Variants in FYB1 observed in about 807,000 individuals in gnomAD.
The protein encoded by FYB1 is FYN binding protein 1.
In FYB1, 41 loss-of-function variants were observed where a neutral mutation model predicts 94.1. The observed-to-expected ratio is 0.44, with a 90% CI of 0.34 to 0.57. The LOEUF (loss-of-function observed/expected upper bound fraction) is 0.57. Ranked by LOEUF, FYB1 falls within the 20% of genes least tolerant of loss-of-function variation. The pLI is 0.02. For synonymous variants in FYB1, 367 were observed against 353.2 expected (o/e 1.04, Z -0.44); for missense variants, 1,050 against 976.8 (o/e 1.07, Z -1.00).
At chr5:39,186,289 T>TG (rs1746783314) in intron 2 of FYB1, among the ~76,000 whole-genome samples, 1 of 152,142 alleles carries the variant, frequency 6.6e-6, no homozygotes, top group Non-Finnish European at 1.5e-5. Flanking sequence ...CTGGGCGTGG[T>TG]GGCACATGCC....
At chr5:39,164,720 TACA>T (rs1363922426) in intron 2 of FYB1, among the ~76,000 whole-genome samples, 2 of 152,172 alleles carry the variant, frequency 1.3e-5, no homozygotes, top group African/African-American at 4.8e-5. Context: ...TGGCCTGTGC[TACA>T]TTAATTTATG....
intron 1 of FYB1, among the ~76,000 whole-genome samples, chr5:39,262,303 G>GA (rs144289822): frequency 4.0e-5 from 6 of 149,642 alleles, no homozygotes; most frequent in South Asian, 2.1e-4. Flanking sequence ...AAATCAACAC[G>GA]AAAAAAAAAT....
chr5:39,120,564 G>A (rs930030358), intron 14 of FYB1, among the ~76,000 whole-genome samples: 1 of 152,032 alleles, frequency 6.6e-6, no homozygotes, highest in East Asian at 1.9e-4. Flanking sequence ...CAAGGTCCAG[G>A]TAGTGCTAGA....
intron 1 of FYB1, among the ~76,000 whole-genome samples, chr5:39,263,180 C>T (rs1752296980): frequency 6.6e-6 from 1 of 152,024 alleles, no homozygotes; most frequent in East Asian, 1.9e-4. Flanking sequence ...TTGAAGTTGC[C>T]GAATCAAGAA....
intron 1 of FYB1, among the ~76,000 whole-genome samples, chr5:39,247,703 A>G (rs893123697): frequency 1.3e-5 from 2 of 151,908 alleles, no homozygotes; most frequent in African/African-American, 4.8e-5. Flanking sequence ...CCATTTTTGA[A>G]TATATTACAT....
At chr5:39,153,627 C>T (rs868275891) in intron 2 of FYB1, 23 bp from the exon 3 acceptor site, 1 of 1,579,522 alleles carries the variant, frequency 6.3e-7, no homozygotes, top group East Asian at 2.3e-5. Context: ...GCAAACAATA[C>T]CATGAATTAA....
chr5:39,239,909 T>C (rs1044708812), intron 1 of FYB1, among the ~76,000 whole-genome samples: 2 of 152,176 alleles, frequency 1.3e-5, no homozygotes, highest in Non-Finnish European at 2.9e-5. Flanking sequence ...AATTTCAAAC[T>C]ATACTATAAG....
Position 39,233,491 on chromosome 5 carries a change from G to A in FYB1, c.-27-30504C>T, listed in dbSNP as rs114662214. Among the ~76,000 whole-genome samples, 1,269 of 152,264 alleles carry A rather than the reference G, an allele frequency of 8.3e-3. 8 individuals carry two copies. Among genetic ancestry groups the A allele is most frequent in the Non-Finnish European group, 0.014 (939 of 68,016 alleles). The stretch of plus-strand genomic sequence containing the variant: ...ATTGAATGCTTAAAAATGATCGGCA[G>A]ACTCCAAAATGCTTTTGTTAACGTT... On this transcript the variant is annotated intron_variant, in intron 1 of 1. Coordinates refer to the FYB1 transcript ENST00000510188.
In FYB1 at chr5:39,108,272, T is replaced by TAA; in HGVS notation, c.2436-12_2436-11dup. 6.6e-7 allele frequency: 1 copy of TAA among 1,518,206 alleles called. No individual in the cohort carries two copies. Among genetic ancestry groups the TAA allele is most frequent in the Non-Finnish European group, 8.9e-7 (1 of 1,123,922 alleles). 94.0% of individuals were successfully genotyped at this position (1,518,206 alleles called of 1,614,324 possible). ...ATAGATCTCTCCATCACTGTAAATG[T>TAA]AAAAAAAAATTTTTATTTTAAAGAA... is the stretch of plus-strand genomic sequence containing the variant. On this transcript the variant is annotated splice_polypyrimidine_tract_variant and intron_variant, in intron 17 of 18. Transcript: ENST00000512982.
In FYB1 at chr5:39,122,397, C is replaced by T. The variant is rs1237687982; in HGVS notation, c.2077G>A (p.Gly693Arg). 2.6e-6 allele frequency: 4 copies of T among 1,567,232 alleles called. No individual in the cohort carries two copies. The Admixed American group carries it at 5.5e-5, about 21-fold the overall frequency. The change falls in exon 14 of 19, where the codon GGA (glycine) becomes AGA (arginine). Residue 693 changes from glycine to arginine, a missense_variant. By Grantham distance (125) the Gly-to-Arg change is moderately radical. Transcript: ENST00000512982. Reference sequence around the variant, plus strand: ...TCCACATCATCGTAAACTTCATCTCCCATGTCTAACAAAAGACAGAATATC... The same window carrying T: ...TCCACATCATCGTAAACTTCATCTCTCATGTCTAACAAAAGACAGAATATC... Reference protein sequence around the residue: ...FPAPPKQLDMGDEVYDDVDTS... With the variant: ...FPAPPKQLDMRDEVYDDVDTS...
chr5:39,236,954 C>T (rs1750991414), intron 1 of FYB1, among the ~76,000 whole-genome samples: 1 of 152,144 alleles, frequency 6.6e-6, no homozygotes, highest in South Asian at 2.1e-4. Flanking sequence ...TATGACTATT[C>T]ACTACTGCCA....
intron 2 of FYB1, among the ~76,000 whole-genome samples, chr5:39,156,866 A>G (rs1743810279): frequency 6.6e-6 from 1 of 152,212 alleles, no homozygotes; most frequent in Admixed American, 6.5e-5. Flanking sequence ...AAGCAAAAAT[A>G]TGTTTTTATT....
chr5:39,146,536 CAA>C (rs780071586), intron 3 of FYB1, among the ~76,000 whole-genome samples: 12 of 152,062 alleles, frequency 7.9e-5, no homozygotes, highest in Non-Finnish European at 1.2e-4. Context: ...CCAGTAACAA[CAA>C]GAGACTAACT....
In FYB1 at chr5:39,153,529, G is replaced by C. The variant is rs1161202318; in HGVS notation, c.1211C>G (p.Pro404Arg). The change falls in exon 3 of 19, where the codon CCA (proline) becomes CGA (arginine). Residue 404 changes from proline (P) to arginine (R), a missense_variant. Coordinates refer to ENST00000512982, the MANE Select transcript of FYB1 (RefSeq NM_001465.6). The stretch of plus-strand genomic sequence containing the variant: ...TGATGGGTGAGATGCTGGCAATGGT[G>C]GTTGGCTGGCCGGATGGGATGGTGG... ...PPPPSHPASQ[P>R]PLPASHPSQP... The C allele has an allele frequency of 6.2e-7, 1 of 1,613,838 alleles. No individual in the cohort carries two copies. Among genetic ancestry groups the C allele is most frequent in the Non-Finnish European group, 8.5e-7 (1 of 1,179,866 alleles).
chr5:39,125,158 C>T (rs1453740316), intron 12 of FYB1, among the ~76,000 whole-genome samples: 1 of 151,572 alleles, frequency 6.6e-6, no homozygotes, highest in Non-Finnish European at 1.5e-5. Context: ...CTTGTGTTTT[C>T]CTAGAATTTC....
chr5:39,229,993 A>G (rs753795589), intron 1 of FYB1, among the ~76,000 whole-genome samples: 2 of 152,060 alleles, frequency 1.3e-5, no homozygotes, highest in Non-Finnish European at 2.9e-5. Context: ...GGGCAAATCA[A>G]GATCGGGAAT....
At chr5:39,136,066 T>C (rs1035950964) in intron 7 of FYB1, among the ~76,000 whole-genome samples, 1 of 151,904 alleles carries the variant, frequency 6.6e-6, no homozygotes, top group Admixed American at 6.6e-5. Context: ...GTATACTATA[T>C]AGATTTTTGT....
intron 17 of FYB1, among the ~76,000 whole-genome samples, chr5:39,109,243 A>T (rs1738829749): frequency 1.3e-5 from 2 of 151,860 alleles, no homozygotes; most frequent in African/African-American, 2.4e-5. Context: ...TCTGAGATGG[A>T]GGGAGGGTTT....
chr5:39,204,952 C>T (rs1748711062), intron 1 of FYB1, among the ~76,000 whole-genome samples: 1 of 152,168 alleles, frequency 6.6e-6, no homozygotes. Context: ...CTCAAATCCT[C>T]AAGCAATTCC....
Sources: gnomAD v4.1 joint callset for allele counts (sites outside exome capture counted in the v4.1 genomes callset) on GRCh38, gnomAD v4.1.1 for gene constraint, MANE v1.5 for transcripts, NCBI Gene and HGNC (gene_info 2026-07-23, HGNC 2026-07-21) for gene names.